The following ZNF254 variants were observed in gnomAD, a reference collection of about 807,000 sequenced individuals.
ZNF254 encodes zinc finger protein 254, also known as CTD-2017D11.1.
Under a neutral mutation model 12.4 loss-of-function variants are expected in ZNF254, and 10 were observed. That is an observed-to-expected ratio of 0.80 (90% CI 0.50 to 1.36). The LOEUF is 1.36. Ranked by LOEUF, ZNF254 falls within the 40% of genes most tolerant of loss-of-function variation. The pLI is 0.00. For synonymous variants in ZNF254, 305 were observed against 253.4 expected (o/e 1.20, Z -1.93); for missense variants, 996 against 763.9 (o/e 1.30, Z -3.58).
intron 1 of ZNF254, among the ~76,000 whole-genome samples, chr19:24,090,415 T>C (rs1599682442): frequency 6.6e-6 from 1 of 151,902 alleles, no homozygotes; most frequent in Non-Finnish European, 1.5e-5. Flanking sequence ...CTTGAAAAGG[T>C]TTTTTCACTT....
intron 2 of ZNF254, among the ~76,000 whole-genome samples, chr19:24,061,260 C>T (rs892848585): frequency 1.3e-5 from 2 of 151,824 alleles, no homozygotes; most frequent in African/African-American, 4.9e-5. Context: ...CCTCTCTGAT[C>T]CCTGTCAAAA....
chr19:24,043,450 C>T (rs759410222), intron 1 of ZNF254, among the ~76,000 whole-genome samples: 11 of 151,964 alleles, frequency 7.2e-5, no homozygotes, highest in Admixed American at 4.6e-4. Flanking sequence ...TTACTAGAGA[C>T]GGCATTTCAC....
chr19:24,038,433 T>C (rs900863802), intron 1 of ZNF254, among the ~76,000 whole-genome samples: 4 of 152,200 alleles, frequency 2.6e-5, no homozygotes, highest in Non-Finnish European at 5.9e-5. Context: ...TGCAATTGAG[T>C]GTCTTTGCAA....
rs398034320 is a variant in ZNF254, at chr19:24,048,003, C to CTTTTTTTTTTTTTTTTTTTTTTTTTTT, written c.-94+1747_-94+1748insTTTTTTTTTTTTTTTTTTTTTTTTTTT. On this transcript the variant is annotated intron_variant, in intron 2 of 4. Coordinates refer to the ZNF254 transcript ENST00000613065. Reference sequence around the variant, plus strand: ...CACCCGGCTCTTTTTTTCTTTTCTTCTTTTTTTTTTTTTTTTTTTTTTTGC... The same window carrying CTTTTTTTTTTTTTTTTTTTTTTTTTTT: ...CACCCGGCTCTTTTTTTCTTTTCTTCTTTTTTTTTTTTTTTTTTTTTTTTTTTTTTTTTTTTTTTTTTTTTTTTTTGC... Among the ~76,000 whole-genome samples, 14 of 68,820 alleles carry CTTTTTTTTTTTTTTTTTTTTTTTTTTT rather than the reference C, an allele frequency of 2.0e-4. 1 individual carries two copies. Among genetic ancestry groups the CTTTTTTTTTTTTTTTTTTTTTTTTTTT allele is most frequent in the Non-Finnish European group, 2.8e-4 (11 of 39,912 alleles). 45.1% of individuals were successfully genotyped at this position (68,820 alleles called of 152,430 possible).
chr19:24,098,988 CTTTTTTTTTTTTTTTTT>C (rs927108646), intron 1 of ZNF254: 1 of 74,768 alleles, frequency 1.3e-5, no homozygotes, highest in Non-Finnish European at 2.4e-5. Flanking sequence ...AGGCTTCGCT[CTTTTTTTTTTTTTTTTT>C]TTTTTTTTTT....
chr19:24,077,010 A>G (rs1389766056), intron 2 of ZNF254, among the ~76,000 whole-genome samples: 1 of 152,228 alleles, frequency 6.6e-6, no homozygotes, highest in Non-Finnish European at 1.5e-5. Flanking sequence ...GACAGAACTC[A>G]AAGTTATCTC....
intron 3 of ZNF254, among the ~76,000 whole-genome samples, chr19:24,120,915 T>G (rs566687748): frequency 2.0e-5 from 3 of 152,044 alleles, no homozygotes; most frequent in Middle Eastern, 3.4e-3. Context: ...TCCCGTTTCT[T>G]TTTTTTATAT....
chr19:24,118,095 C>T (rs1349709980), intron 3 of ZNF254, among the ~76,000 whole-genome samples: 1 of 150,906 alleles, frequency 6.6e-6, no homozygotes, highest in Non-Finnish European at 1.5e-5. Flanking sequence ...CTTTGTCACC[C>T]AGGCTGGAGC....
At chr19:24,121,036 G>A (rs933897487) in intron 3 of ZNF254, among the ~76,000 whole-genome samples, 1 of 151,120 alleles carries the variant, frequency 6.6e-6, no homozygotes, top group African/African-American at 2.4e-5. Context: ...ACAGTGCCTG[G>A]CCATCATGTA....
intron 3 of ZNF254, among the ~76,000 whole-genome samples, chr19:24,113,483 G>A (rs1255177747): frequency 1.3e-5 from 2 of 152,048 alleles, no homozygotes; most frequent in East Asian, 3.9e-4. Context: ...AAAATTCAAT[G>A]ACACTTCATG....
chr19:24,124,499 G>T (rs1974695829), intron 3 of ZNF254, among the ~76,000 whole-genome samples: 1 of 152,042 alleles, frequency 6.6e-6, no homozygotes, highest in Non-Finnish European at 1.5e-5. Context: ...TCAGTAGAAG[G>T]AACTCTTTTC....
chr19:24,118,062 T>G (rs1041716333), intron 3 of ZNF254, among the ~76,000 whole-genome samples: 12 of 151,808 alleles, frequency 7.9e-5, no homozygotes, highest in South Asian at 2.1e-4. Context: ...CTTTTCTTTT[T>G]TTTTTTTTGA....
At chr19:24,055,232 A>AAAAAAAAAAAAAAAAAAAAAAAAAAAG (rs1555753129) in intron 2 of ZNF254, among the ~76,000 whole-genome samples, 7 of 122,630 alleles carry the variant, frequency 5.7e-5, no homozygotes, top group Non-Finnish European at 7.2e-5. Flanking sequence ...AAAAAAAAAA[A>AAAAAAAAAAAAAAAAAAAAAAAAAAAG]GAGTGTACTA....
At chr19:24,114,949 G>T (rs1568465863) in intron 3 of ZNF254, among the ~76,000 whole-genome samples, 2 of 152,406 alleles carry the variant, frequency 1.3e-5, no homozygotes, top group Admixed American at 1.3e-4. Context: ...GGCCATCAGA[G>T]AAATGCAAAT....
intron 1 of ZNF254, among the ~76,000 whole-genome samples, chr19:24,090,468 C>T (rs1221667024): frequency 6.6e-6 from 1 of 152,088 alleles, no homozygotes; most frequent in Admixed American, 6.6e-5. Flanking sequence ...AGACAGTTTC[C>T]CTCTGTCACC....
chr19:24,068,337 G>C (rs557929242), intron 2 of ZNF254, among the ~76,000 whole-genome samples: 1 of 151,504 alleles, frequency 6.6e-6, no homozygotes, highest in Admixed American at 6.6e-5. Flanking sequence ...GTCTCACTCT[G>C]TTGCCCAGGT....
intron 2 of ZNF254, among the ~76,000 whole-genome samples, chr19:24,049,214 A>ATATATATATTT (rs1160333151): frequency 3.7e-4 from 15 of 40,850 alleles, no homozygotes; most frequent in East Asian, 9.5e-4. Flanking sequence ...ATATATATAT[A>ATATATATATTT]TTTTTTTTTT....
At chr19:24,117,952 ATAATT>A (rs1224360418) in intron 3 of ZNF254, among the ~76,000 whole-genome samples, 1 of 152,018 alleles carries the variant, frequency 6.6e-6, no homozygotes, top group Non-Finnish European at 1.5e-5. Context: ...GCTGTATTTG[ATAATT>A]TTATTTTTAG....
intron 2 of ZNF254, among the ~76,000 whole-genome samples, chr19:24,073,799 G>A (rs1044622824): frequency 6.6e-6 from 1 of 152,210 alleles, no homozygotes; most frequent in African/African-American, 2.4e-5. Context: ...TGTAACTGAT[G>A]TACTCAGACT....
Sources: gnomAD v4.1 joint callset for allele counts (sites outside exome capture counted in the v4.1 genomes callset) on GRCh38, gnomAD v4.1.1 for gene constraint, MANE v1.5 for transcripts, NCBI Gene and HGNC (gene_info 2026-07-23, HGNC 2026-07-21) for gene names.